DPPA3: variants seen among roughly 807,000 people sequenced by gnomAD.
DPPA3 encodes the protein developmental pluripotency-associated protein 3.
Under a neutral mutation model 15.6 loss-of-function variants are expected in DPPA3, and 9 were observed. The observed-to-expected ratio is 0.58, with a 90% CI of 0.35 to 1.01. The LOEUF is 1.01. Ranked by LOEUF, DPPA3 falls within the 50% of genes least tolerant of loss-of-function variation. DPPA3 has a pLI of 0.02. For synonymous variants in DPPA3, 61 were observed against 70.9 expected, an observed-to-expected ratio of 0.86 and a Z score of 0.70; for missense variants, 148 against 194.6, an observed-to-expected ratio of 0.76 and a Z score of 1.42.
intron 1 of DPPA3, among the ~76,000 whole-genome samples, chr12:7,712,816 G>C (rs950864231): frequency 6.6e-6 from 1 of 152,128 alleles, no homozygotes; most frequent in African/African-American, 2.4e-5. Flanking sequence ...CGAACACTTG[G>C]GTTCAGTCCA....
At chr12:7,714,243 A>G (rs988670778) in intron 1 of DPPA3, among the ~76,000 whole-genome samples, 1 of 149,880 alleles carries the variant, frequency 6.7e-6, no homozygotes, top group African/African-American at 2.5e-5. Flanking sequence ...AATAATAATA[A>G]TAACAGTCTA....
chr12:7,712,923 AGACT>A (rs1864360438), intron 1 of DPPA3, among the ~76,000 whole-genome samples: 1 of 152,198 alleles, frequency 6.6e-6, no homozygotes, highest in South Asian at 2.1e-4. Flanking sequence ...GTTAATAAAC[AGACT>A]AACAGCTTCA....
chr12:7,714,926 G>A (rs1430870910), intron 1 of DPPA3, among the ~76,000 whole-genome samples: 3 of 152,076 alleles, frequency 2.0e-5, no homozygotes, highest in African/African-American at 4.8e-5. Context: ...TATTAGCCAG[G>A]ATGGTCTCGA....
intron 1 of DPPA3, 139 bp from the exon 2 acceptor site, chr12:7,715,044 T>C (rs1450447369): frequency 1.6e-5 from 21 of 1,292,214 alleles, no homozygotes; most frequent in Non-Finnish European, 2.3e-5. Context: ...AGACTAGAGG[T>C]TGTGCGTTGT....
intron 1 of DPPA3, among the ~76,000 whole-genome samples, chr12:7,712,968 GTGCTCCGTAA>G (rs1864360838): frequency 6.6e-6 from 1 of 152,196 alleles, no homozygotes; most frequent in Non-Finnish European, 1.5e-5. Context: ...GGCCGTAAAC[GTGCTCCGTAA>G]TGTAAATTAG....
intron 3 of DPPA3, 41 bp downstream of exon 3, chr12:7,716,280 T>TTTGGC: frequency 1.4e-6 from 2 of 1,468,550 alleles, no homozygotes; most frequent in Non-Finnish European, 1.8e-6. Flanking sequence ...TTTTTTTTTT[T>TTTGGC]TGGCTATATA....
At chr12:7,712,467 T>C (rs753173161) in intron 1 of DPPA3, among the ~76,000 whole-genome samples, 1 of 152,198 alleles carries the variant, frequency 6.6e-6, no homozygotes, top group South Asian at 2.1e-4. Flanking sequence ...TATATATTTT[T>C]TTGAGACGGA....
In DPPA3 at chr12:7,715,341, A is replaced by G. The variant is rs760791872; in HGVS notation, c.241A>G (p.Ser81Gly). ...GGAAATCGAAGATGAGTGGCTTTAC[A>G]GCAGGAGAGGAGTAAGAACATTGCT... ...LREIEDEWLY[S>G]RRGVRTLLSV... The change falls in exon 2 of 4, where the codon AGC (serine) becomes GGC (glycine). Residue 81 changes from serine to glycine, a missense_variant. Physicochemically the swap from Ser to Gly is moderately conservative, Grantham distance 56. Transcript: ENST00000345088. 3 of 1,614,172 alleles carry G rather than the reference A, an allele frequency of 1.9e-6. No individual in the cohort carries two copies. The South Asian group carries it at 3.3e-5, about 18-fold the overall frequency.
intron 1 of DPPA3, among the ~76,000 whole-genome samples, chr12:7,712,380 A>G (rs10845748): frequency 0.18 from 27,291 of 151,996 alleles, 3,310 homozygotes; most frequent in African/African-American, 0.31. Flanking sequence ...AGGGAAAAAA[A>G]ATGAAACAAT....
intron 3 of DPPA3, 22 bp from the exon 4 acceptor site, chr12:7,716,941 TAATC>T (rs772535209): frequency 1.9e-6 from 3 of 1,568,998 alleles, no homozygotes; most frequent in Admixed American, 1.7e-5. Flanking sequence ...ATATTCCAAT[TAATC>T]CATTTCATCA....
intron 1 of DPPA3, among the ~76,000 whole-genome samples, chr12:7,714,867 A>C (rs981177131): frequency 1.8e-4 from 28 of 151,912 alleles, no homozygotes; most frequent in South Asian, 4.2e-4. Context: ...CGCCCGCCAC[A>C]ACGCCCGGCT....
In DPPA3 at chr12:7,714,735, C is replaced by T. The variant is rs150001927; in HGVS notation, c.83-448C>T. ...TTTTTATTTATTTATTTTTTTGAGA[C>T]GGAGTCTTGCTCTGTCCCCCAGACT... On this transcript the variant is annotated intron_variant, in intron 1 of 3. Coordinates refer to ENST00000345088, the MANE Select transcript of DPPA3 (RefSeq NM_199286.4). Among the ~76,000 whole-genome samples, 291 of 151,392 alleles carry T rather than the reference C, an allele frequency of 1.9e-3. 1 individual carries two copies. Among genetic ancestry groups the T allele is most frequent in the African/African-American group, 6.6e-3 (273 of 41,268 alleles).
At chr12:7,712,322 C>G (rs1195911922) in intron 1 of DPPA3, among the ~76,000 whole-genome samples, 1 of 151,352 alleles carries the variant, frequency 6.6e-6, no homozygotes, top group Non-Finnish European at 1.5e-5. Context: ...AAATACATGT[C>G]AGGAACGGTA....
At chr12:7,713,502 A>G (rs1864367704) in intron 1 of DPPA3, among the ~76,000 whole-genome samples, 1 of 152,184 alleles carries the variant, frequency 6.6e-6, no homozygotes, top group African/African-American at 2.4e-5. Flanking sequence ...GGCAAAAAAC[A>G]AAACAAAACA....
intron 1 of DPPA3, among the ~76,000 whole-genome samples, chr12:7,713,913 T>G (rs1017393068): frequency 2.3e-4 from 35 of 152,208 alleles, no homozygotes; most frequent in Admixed American, 7.9e-4. Flanking sequence ...CTCTGGACGC[T>G]GAGGTGGGAG....
rs553389025 is a variant in DPPA3 at position 7,717,517 on chromosome 12, T to C, written c.*440T>C. On this transcript the variant is annotated 3_prime_UTR_variant, in exon 4 of 4. Transcript: ENST00000345088. Reference sequence around the variant, plus strand: ...TTACAGTTTTCAGTACAAAAGTGTTTATATAGAAACAATAAAGTTGACATT... The same window carrying C: ...TTACAGTTTTCAGTACAAAAGTGTTCATATAGAAACAATAAAGTTGACATT... 2.6e-5 allele frequency: 4 copies of C among 153,984 alleles called. No homozygotes were observed. Among genetic ancestry groups the C allele is most frequent in the Non-Finnish European group, 5.8e-5 (4 of 69,400 alleles). The allele number at this position is 153,984 out of a possible 1,614,324, so 9.5% of individuals were successfully genotyped here. A position where few individuals can be genotyped will look rare whatever the true frequency, so the allele number is the denominator to read the frequency against.
At position 7,715,193 on chromosome 12, in the gene DPPA3, A is replaced by G. The variant is rs200489855; in HGVS notation, c.93A>G (p.Gln31=). The change falls in exon 2 of 4, where the codon CAA becomes CAG. Residue 31 remains glutamine (Q), a synonymous_variant. Transcript: ENST00000345088. ...AACCTTCTCTTTCAGGGGCCTCTCA[A>G]ATCTCCTCCGAGACGTTGATAAAGA... ...ENSRDDSGAS[Q]ISSETLIKNL... is the part of the protein sequence containing the mutation. 12 of 1,613,508 alleles carry G rather than the reference A, an allele frequency of 7.4e-6. No homozygotes were observed. The Admixed American group carries it at 1.8e-4, about 25-fold the overall frequency.
rs369510829 is a variant in DPPA3, at chr12:7,711,544, G to T, written c.-27G>T. On this transcript the variant is annotated 5_prime_UTR_variant, in exon 1 of 4. Coordinates refer to ENST00000345088, the MANE Select transcript of DPPA3 (RefSeq NM_199286.4). ...TCTGCTACGTTTCAAAGATCCTGGA[G>T]AAGCCTAGTGTTGTGTCAAGACGCC... 1.3e-4 allele frequency: 205 copies of T among 1,599,622 alleles called. No homozygotes were observed. In the African/African-American group the frequency reaches 2.7e-3, roughly 21 times the overall value.
chr12:7,715,040 G>C, intron 1 of DPPA3, 143 bp from the exon 2 acceptor site: 1 of 1,265,490 alleles, frequency 7.9e-7, no homozygotes, highest in Non-Finnish European at 1.1e-6. Context: ...GAAAAGACTA[G>C]AGGTTGTGCG....
Sources: gnomAD v4.1 joint callset for allele counts (sites outside exome capture counted in the v4.1 genomes callset) on GRCh38, gnomAD v4.1.1 for gene constraint, MANE v1.5 for transcripts, NCBI Gene and HGNC (gene_info 2026-07-23, HGNC 2026-07-21) for gene names.